The following TBXAS1 variants were observed in gnomAD, a reference collection of about 807,000 sequenced individuals.
TBXAS1 encodes thromboxane A synthase 1.
Under a neutral mutation model 60.7 loss-of-function variants are expected in TBXAS1, and 48 were observed. The ratio of observed to expected loss-of-function variants is 0.79; its 90% CI spans 0.63 to 1.01. The LOEUF is 1.01. Among genes scored for constraint, TBXAS1 ranks in the 50% least tolerant of loss-of-function variants. The pLI, the probability that TBXAS1 is intolerant of heterozygous loss-of-function variation, is 0.00. For missense variants in TBXAS1, 685 were observed against 686.3 expected (o/e 1.00, Z 0.02); for synonymous variants, 287 against 269.7 (o/e 1.06, Z -0.63).
At chr7:139,886,509 CT>C (rs1348379103) in intron 3 of TBXAS1, among the ~76,000 whole-genome samples, 4 of 143,548 alleles carry the variant, frequency 2.8e-5, no homozygotes, top group African/African-American at 1.0e-4. Context: ...CAATTGTGGT[CT>C]TTTTTGTTAA....
At chr7:139,807,411 G>T (rs2116384144) in intron 4 of TBXAS1, among the ~76,000 whole-genome samples, 1 of 151,112 alleles carries the variant, frequency 6.6e-6, no homozygotes, top group Non-Finnish European at 1.5e-5. Context: ...TTTAGATGGA[G>T]TCTCGCTCTG....
chr7:139,867,934 T>A (rs1801544832), intron 1 of TBXAS1, among the ~76,000 whole-genome samples: 2 of 152,280 alleles, frequency 1.3e-5, no homozygotes. Flanking sequence ...TTGAGAATGA[T>A]CCAGTGGCCC....
chr7:139,958,292 C>T (rs1287583201), intron 8 of TBXAS1, among the ~76,000 whole-genome samples: 2 of 152,104 alleles, frequency 1.3e-5, no homozygotes, highest in Non-Finnish European at 2.9e-5. Context: ...CTCCTTGGCA[C>T]GATTCATATG....
chr7:139,890,941 G>A (rs977367897), intron 3 of TBXAS1, among the ~76,000 whole-genome samples: 4 of 150,962 alleles, frequency 2.6e-5, no homozygotes, highest in African/African-American at 4.9e-5. Flanking sequence ...TTATCATTTC[G>A]TGGATATTAT....
intron 1 of TBXAS1, among the ~76,000 whole-genome samples, chr7:139,845,831 T>TTG (rs1219538072): frequency 1.3e-5 from 2 of 151,352 alleles, no homozygotes; most frequent in African/African-American, 4.9e-5. Context: ...TAGTTTTTTT[T>TTG]TTTTTTTTTT....
chr7:139,844,416 A>C (rs1799669980), intron 1 of TBXAS1, among the ~76,000 whole-genome samples: 1 of 152,162 alleles, frequency 6.6e-6, no homozygotes, highest in South Asian at 2.1e-4. Flanking sequence ...TGATTGATTA[A>C]TTTTCCCATT....
intron 9 of TBXAS1, among the ~76,000 whole-genome samples, chr7:139,993,589 G>A (rs891549382): frequency 2.0e-5 from 3 of 152,118 alleles, no homozygotes; most frequent in African/African-American, 7.2e-5. Flanking sequence ...AGTGTGACCC[G>A]AGAAGCATGC....
chr7:139,840,043 C>T (rs1325375165), intron 1 of TBXAS1, among the ~76,000 whole-genome samples: 1 of 150,566 alleles, frequency 6.6e-6, no homozygotes, highest in Non-Finnish European at 1.5e-5. Context: ...CTGATCAAGT[C>T]TCATTCTAAG....
chr7:139,864,445 A>G (rs544774247), intron 1 of TBXAS1, among the ~76,000 whole-genome samples: 1 of 152,316 alleles, frequency 6.6e-6, no homozygotes, highest in East Asian at 1.9e-4. Flanking sequence ...AAATTAATGT[A>G]TACATTTAAT....
chr7:139,979,648 C>T (rs1162619079), intron 9 of TBXAS1, among the ~76,000 whole-genome samples: 1 of 151,658 alleles, frequency 6.6e-6, no homozygotes, highest in Non-Finnish European at 1.5e-5. Flanking sequence ...ATTGCTTGAA[C>T]CCAGGAAGCA....
intron 3 of TBXAS1, among the ~76,000 whole-genome samples, chr7:139,876,525 G>A (rs1454212721): frequency 6.6e-6 from 1 of 152,008 alleles, no homozygotes; most frequent in Non-Finnish European, 1.5e-5. Context: ...CTGTGTTGCC[G>A]ACGTACATTC....
At chr7:139,855,568 A>T (rs752602930) in intron 1 of TBXAS1, among the ~76,000 whole-genome samples, 7 of 152,186 alleles carry the variant, frequency 4.6e-5, no homozygotes, top group African/African-American at 7.2e-5. Context: ...AGAATGTCAG[A>T]CAGAGAGCAG....
intron 9 of TBXAS1, among the ~76,000 whole-genome samples, chr7:139,979,944 C>T (rs1317706401): frequency 4.7e-5 from 7 of 150,090 alleles, no homozygotes; most frequent in Non-Finnish European, 1.0e-4. Context: ...TTTTTTTCCT[C>T]ACGTAAAATC....
intron 3 of TBXAS1, among the ~76,000 whole-genome samples, chr7:139,898,981 G>A (rs963456222): frequency 6.6e-6 from 1 of 151,340 alleles, no homozygotes; most frequent in Admixed American, 6.6e-5. Flanking sequence ...ACAGTCTCGG[G>A]GGACCAATCC....
intron 9 of TBXAS1, among the ~76,000 whole-genome samples, chr7:139,964,060 G>A (rs994203551): frequency 1.3e-5 from 2 of 152,112 alleles, no homozygotes; most frequent in African/African-American, 2.4e-5. Context: ...TCACTCTGAC[G>A]GGAATGCTTA....
chr7:139,941,596 C>A (rs868609942), intron 5 of TBXAS1, among the ~76,000 whole-genome samples: 1 of 152,100 alleles, frequency 6.6e-6, no homozygotes, highest in East Asian at 1.9e-4. Flanking sequence ...GCTGAGCATT[C>A]CTGGAAAAAC....
rs113251366 is a variant in TBXAS1 at position 139,916,361 on chromosome 7, C to A, written c.333+5040C>A. Among the ~76,000 whole-genome samples, 1,854 of 152,276 alleles carry A rather than the reference C, an allele frequency of 0.012. 26 individuals are homozygous for A. The highest frequency in any genetic ancestry group is 0.016 in the Non-Finnish European group (1,058 of 68,018). Reference sequence around the variant, plus strand: ...ATGTGTCAAAACACTAAGCCTAGTGCTTTGGAGATGTGGGTTCTGGTCTGG... The same window carrying A: ...ATGTGTCAAAACACTAAGCCTAGTGATTTGGAGATGTGGGTTCTGGTCTGG... On this transcript the variant is annotated intron_variant, in intron 4 of 12. Transcript: ENST00000448866. The surrounding 1 kb of genome is among the most constrained non-coding windows in gnomAD (Gnocchi z 4.2).
At chr7:139,922,394 G>T (rs1481438973) in intron 4 of TBXAS1, among the ~76,000 whole-genome samples, 1 of 151,550 alleles carries the variant, frequency 6.6e-6, no homozygotes, top group Admixed American at 6.6e-5. Context: ...GAGCCACCGC[G>T]CCCAGCCGAG....
At chr7:139,850,906 C>T (rs949499241) in intron 1 of TBXAS1, among the ~76,000 whole-genome samples, 6 of 152,174 alleles carry the variant, frequency 3.9e-5, no homozygotes, top group Non-Finnish European at 8.8e-5. Context: ...TCAGAGGGAG[C>T]ATGGCCCTGC....
Sources: allele counts gnomAD v4.1 joint callset (sites outside exome capture counted in the v4.1 genomes callset), GRCh38; gene constraint gnomAD v4.1.1; non-coding constraint Gnocchi (gnomAD v3.1); transcripts MANE v1.5; gene names NCBI Gene and HGNC (gene_info 2026-07-23, HGNC 2026-07-21).